Variants in MIS18A observed in about 807,000 individuals in gnomAD.
MIS18A encodes protein Mis18-alpha.
In MIS18A, 14 loss-of-function variants were observed where a neutral mutation model predicts 25.0. The ratio of observed to expected loss-of-function variants is 0.56; its 90% CI spans 0.37 to 0.88. The LOEUF (loss-of-function observed/expected upper bound fraction) is 0.88, where lower values mean the gene tolerates loss of function less well. MIS18A is among the 40% of genes least tolerant of loss of function. MIS18A has a pLI of 0.00. For synonymous variants in MIS18A, 134 were observed against 118.6 expected (o/e 1.13, Z -0.84); for missense variants, 292 against 290.8 (o/e 1.00, Z -0.03).
the MIS18A span, among the ~76,000 whole-genome samples, chr21:32,235,155 C>G: frequency 4.3e-4 from 65 of 152,304 alleles, no homozygotes; most frequent in African/African-American, 1.5e-3. Context: ...ACTAAGGGCA[C>G]CCATTTCCTG....
At chr21:32,156,827 AACCCCC>A in the MIS18A span, among the ~76,000 whole-genome samples, 237 of 152,092 alleles carry the variant, frequency 1.6e-3, 1 homozygote, top group African/African-American at 5.4e-3. Context: ...AGACCCCCTT[AACCCCC>A]AAATTGACCA....
rs558102501 is a variant in MIS18A, at chr21:32,276,460, C to CAAA, written c.335-1567_335-1565dup. ...TGGGCAACACAGTGAGACTCTGTCT[C>CAAA]AAAAAAAAAAAAAAAAAAAAAAAAA... On this transcript the variant is annotated intron_variant, in intron 1 of 4. Transcript: ENST00000290130. 2.6e-4 allele frequency among the ~76,000 whole-genome samples: 19 copies of CAAA among 72,724 alleles called. 2 individuals carry two copies. The highest frequency in any genetic ancestry group is 3.1e-4 in the Non-Finnish European group (11 of 34,946). The allele number at this position is 72,724 out of a possible 152,430, so 47.7% of individuals were successfully genotyped here. A position where few individuals can be genotyped will look rare whatever the true frequency, so the allele number is the denominator to read the frequency against.
the MIS18A span, among the ~76,000 whole-genome samples, chr21:32,208,514 G>A: frequency 2.0e-5 from 3 of 152,146 alleles, no homozygotes; most frequent in African/African-American, 7.2e-5. Flanking sequence ...CAGAAGCTGA[G>A]CAGATGCCAA....
At chr21:32,243,877 T>C in the MIS18A span, among the ~76,000 whole-genome samples, 5 of 151,512 alleles carry the variant, frequency 3.3e-5, no homozygotes, top group East Asian at 9.7e-4. Context: ...AATTAGCCAG[T>C]GAGCCGCAAT....
chr21:32,203,829 G>C, the MIS18A span, among the ~76,000 whole-genome samples: 10 of 151,872 alleles, frequency 6.6e-5, no homozygotes, highest in Non-Finnish European at 1.3e-4. Context: ...ATGTTGCCCA[G>C]GCTGGTCTTG....
At chr21:32,220,559 G>A in the MIS18A span, among the ~76,000 whole-genome samples, 16 of 152,244 alleles carry the variant, frequency 1.1e-4, no homozygotes, top group South Asian at 2.9e-3. Context: ...CCAAAAGCCA[G>A]AATACTTCTT....
rs769450339 is a variant in MIS18A, at chr21:32,278,978, A to G, written c.37T>C (p.Cys13Arg). The G allele has an allele frequency of 2.5e-6, 4 of 1,611,058 alleles. No homozygotes were observed. In the East Asian group the frequency reaches 6.7e-5, roughly 27 times the overall value. The change falls in exon 1 of 5, where the codon TGC becomes CGC. Residue 13 changes from cysteine to arginine, a missense_variant. By Grantham distance (180) the Cys-to-Arg change is radical (BLOSUM62 -3). Transcript: ENST00000290130. ...GVRSLRCSRGCAGGCECGDKG... is the reference protein window; with the variant it reads ...GVRSLRCSRGRAGGCECGDKG... ...TCGCCGCACTCACAGCCGCCAGCGC[A>G]TCCTCTGCTACACCTCAGTGACCGA... is the stretch of plus-strand genomic sequence containing the variant.
chr21:32,161,652 C>T, the MIS18A span, among the ~76,000 whole-genome samples: 4 of 149,736 alleles, frequency 2.7e-5, no homozygotes, highest in African/African-American at 9.9e-5. Flanking sequence ...CCACCACACC[C>T]GGCTAAATTT....
the MIS18A span, among the ~76,000 whole-genome samples, chr21:32,182,218 C>T: frequency 6.6e-6 from 1 of 152,188 alleles, no homozygotes; most frequent in Admixed American, 6.5e-5. Context: ...TTGTGCTCAT[C>T]TGAAAAGAAC....
At chr21:32,203,559 C>A in the MIS18A span, among the ~76,000 whole-genome samples, 35 of 142,652 alleles carry the variant, frequency 2.5e-4, no homozygotes, top group African/African-American at 9.0e-4. Flanking sequence ...TCCCACCTAG[C>A]AATCTATATC....
At chr21:32,242,172 G>C in the MIS18A span, among the ~76,000 whole-genome samples, 1 of 152,206 alleles carries the variant, frequency 6.6e-6, no homozygotes, top group Non-Finnish European at 1.5e-5. Context: ...GAGCCATCGC[G>C]CCCGGCCAGA....
At chr21:32,203,744 G>A in the MIS18A span, among the ~76,000 whole-genome samples, 7 of 149,904 alleles carry the variant, frequency 4.7e-5, no homozygotes, top group Admixed American at 2.0e-4. Flanking sequence ...AGCCTCCTGA[G>A]TAGCTGGGAC....
chr21:32,270,849 C>T lies in MIS18A; in HGVS notation c.402-320G>A, dbSNP rs140232607. Among the ~76,000 whole-genome samples the T allele has an allele frequency of 2.3e-3, 347 of 152,290 alleles. 1 individual carries two copies. Among genetic ancestry groups the T allele is most frequent in the Non-Finnish European group, 3.2e-3 (218 of 68,020 alleles). ...AAGTGGAGAATAAATATTTTAGCCTCGCCAGCCATCTGGTGTCTGTCACTA... is the reference window on the plus strand; with the variant it reads ...AAGTGGAGAATAAATATTTTAGCCTTGCCAGCCATCTGGTGTCTGTCACTA... On this transcript the variant is annotated intron_variant, in intron 2 of 4. Coordinates refer to ENST00000290130, the MANE Select transcript of MIS18A (RefSeq NM_018944.3).
the MIS18A span, among the ~76,000 whole-genome samples, chr21:32,231,850 T>C: frequency 3.3e-5 from 5 of 152,160 alleles, no homozygotes; most frequent in African/African-American, 1.2e-4. Context: ...GAGGCGGAGC[T>C]TGCAGTGAGC....
the MIS18A span, among the ~76,000 whole-genome samples, chr21:32,220,247 G>C: frequency 6.6e-6 from 1 of 152,194 alleles, no homozygotes; most frequent in African/African-American, 2.4e-5. Context: ...CATCTGGAGG[G>C]TGTCCCTCTG....
the MIS18A span, among the ~76,000 whole-genome samples, chr21:32,173,611 A>G: frequency 2.0e-5 from 3 of 152,220 alleles, no homozygotes; most frequent in African/African-American, 7.2e-5. Flanking sequence ...ATTTGGCAGT[A>G]AAATGAAGTA....
Position 32,269,049 on chromosome 21 carries a change from A to G in MIS18A, c.690T>C (p.Thr230=). 1 of 1,601,588 alleles carries G rather than the reference A, an allele frequency of 6.2e-7. No homozygotes were observed. The highest frequency in any genetic ancestry group is 8.5e-7 in the Non-Finnish European group (1 of 1,172,062). ...CACAGACTAGAGTTCAGCTTTTACA[A>G]GTGGCAAAGGACAATTTGGATTCGG... ...WEAESKLSFA[T]CKS The change falls in exon 5 of 5, where the codon ACT becomes ACC. Residue 230 remains threonine (T), a synonymous_variant. Transcript: ENST00000290130.
the MIS18A span, among the ~76,000 whole-genome samples, chr21:32,259,624 G>A: frequency 2.0e-5 from 3 of 152,168 alleles, no homozygotes. Context: ...GGTTTTCAAT[G>A]CCATTGCCTC....
chr21:32,269,611 C>A, intron 4 of MIS18A, 96 bp downstream of exon 4: 1 of 729,240 alleles, frequency 1.4e-6, no homozygotes, highest in South Asian at 1.9e-5. Context: ...CTGCAATCAA[C>A]ACAGATGACG....
Sources: gnomAD v4.1 joint callset for allele counts (sites outside exome capture counted in the v4.1 genomes callset) on GRCh38, gnomAD v4.1.1 for gene constraint, MANE v1.5 for transcripts, NCBI Gene and HGNC (gene_info 2026-07-23, HGNC 2026-07-21) for gene names.